Variants in MOGAT1 observed in about 807,000 individuals in gnomAD.
MOGAT1 encodes monoacylglycerol O-acyltransferase 1, also known as 2-acylglycerol O-acyltransferase 1.
In MOGAT1, 32 loss-of-function variants were observed where a neutral mutation model predicts 31.4. The ratio of observed to expected loss-of-function variants is 1.02; its 90% confidence interval spans 0.77 to 1.37. MOGAT1 has a LOEUF of 1.37. Among genes scored for constraint, MOGAT1 ranks in the 40% most tolerant of loss-of-function variants. The pLI is 0.00. For synonymous variants in MOGAT1, 145 were observed against 144.5 expected, an observed-to-expected ratio of 1.00 and a Z score of -0.03; for missense variants, 426 against 402.0, an observed-to-expected ratio of 1.06 and a Z score of -0.51.
At chr2:222,674,783 G>A (rs1280897745) in intron 1 of MOGAT1, among the ~76,000 whole-genome samples, 2 of 152,144 alleles carry the variant, frequency 1.3e-5, no homozygotes, top group South Asian at 2.1e-4. Flanking sequence ...TTAAAATCAT[G>A]TAAAACAAGT....
At chr2:222,701,287 A>AG (rs144596200) in intron 5 of MOGAT1, among the ~76,000 whole-genome samples, 2,420 of 134,542 alleles carry the variant, frequency 0.018, 90 homozygotes, top group African/African-American at 0.069. Flanking sequence ...AGAGAGAGAG[A>AG]GAGGAGGAGG....
chr2:222,694,329 G>A (rs183689515), intron 3 of MOGAT1, 33 bp from the exon 4 acceptor site: 1 of 1,538,768 alleles, frequency 6.5e-7, no homozygotes. Context: ...GTTAGAAAAG[G>A]ATAACTAGTT....
intron 5 of MOGAT1, among the ~76,000 whole-genome samples, chr2:222,707,343 GAA>G (rs1559235538): frequency 1.1e-3 from 90 of 81,774 alleles, no homozygotes; most frequent in Non-Finnish European, 1.8e-3. Flanking sequence ...GAAAAAGAAA[GAA>G]AGAAAAAGAA....
chr2:222,701,332 A>T (rs1295348983), intron 5 of MOGAT1, among the ~76,000 whole-genome samples: 6 of 130,810 alleles, frequency 4.6e-5, no homozygotes, highest in Non-Finnish European at 1.0e-4. Flanking sequence ...GAGAGAGATA[A>T]AAGGAATTAA....
chr2:222,708,358 A>ACTTTGGC (rs1316650658), intron 5 of MOGAT1, among the ~76,000 whole-genome samples: 2 of 152,182 alleles, frequency 1.3e-5, no homozygotes, highest in African/African-American at 4.8e-5. Flanking sequence ...TGTTGGGATT[A>ACTTTGGC]CAGGCGTGAG....
intron 5 of MOGAT1, among the ~76,000 whole-genome samples, chr2:222,706,945 C>A (rs905071591): frequency 2.0e-5 from 3 of 152,252 alleles, no homozygotes; most frequent in African/African-American, 7.2e-5. Context: ...CGACCTAGCA[C>A]TTTGAGAGGC....
Position 222,695,302 on chromosome 2 carries a change from A to G in MOGAT1, c.853+14A>G. ...TCCACACTGTTGGTATGTACATAAA[A>G]TAACTACAACTATTAGCTTACTTTA... On this transcript the variant is annotated intron_variant, in intron 5 of 5. Transcript: ENST00000446656. 1 of 1,553,018 alleles carries G rather than the reference A, an allele frequency of 6.4e-7. No individual in the cohort carries two copies. The highest frequency in any genetic ancestry group is 2.2e-5 in the East Asian group (1 of 44,446).
chr2:222,692,377 A>G (rs1196832445), intron 3 of MOGAT1, among the ~76,000 whole-genome samples: 1 of 152,240 alleles, frequency 6.6e-6, no homozygotes, highest in Admixed American at 6.5e-5. Flanking sequence ...GGCCAGTAGC[A>G]GGTGCTCAAT....
At chr2:222,690,835 T>C (rs925876682) in intron 3 of MOGAT1, among the ~76,000 whole-genome samples, 3 of 151,944 alleles carry the variant, frequency 2.0e-5, no homozygotes, top group Non-Finnish European at 2.9e-5. Context: ...GAAAGTGGGG[T>C]TGGGGGGGAA....
Position 222,674,364 on chromosome 2 carries a change from C to T in MOGAT1, c.94+2485C>T, listed in dbSNP as rs61166845. 6.2e-3 allele frequency among the ~76,000 whole-genome samples: 949 copies of T among 152,296 alleles called. 10 individuals carry two copies. The highest frequency in any genetic ancestry group is 0.021 in the African/African-American group (885 of 41,552). On this transcript the variant is annotated intron_variant, in intron 1 of 5. Coordinates refer to ENST00000446656, the MANE Select transcript of MOGAT1 (RefSeq NM_058165.3). ...AGAAGAGTATGAATTCCCATATACC[C>T]ATGACCTAGGTTTATAATTATTTAA... is the stretch of plus-strand genomic sequence containing the variant.
chr2:222,682,125 C>T (rs1559228793), intron 1 of MOGAT1, among the ~76,000 whole-genome samples: 1 of 152,156 alleles, frequency 6.6e-6, no homozygotes, highest in Non-Finnish European at 1.5e-5. Flanking sequence ...TCACCACACA[C>T]ACACACACAC....
At chr2:222,706,623 T>C (rs1324879410) in intron 5 of MOGAT1, among the ~76,000 whole-genome samples, 1 of 152,202 alleles carries the variant, frequency 6.6e-6, no homozygotes, top group Non-Finnish European at 1.5e-5. Flanking sequence ...TAATTCAGAA[T>C]GTACGAGTAC....
chr2:222,701,287 AGAG>A lies in MOGAT1; in HGVS notation c.853+6012_853+6014del, dbSNP rs1553562891. Among the ~76,000 whole-genome samples the A allele has an allele frequency of 1.5e-3, 202 of 134,490 alleles. 1 individual carries two copies. Among genetic ancestry groups the A allele is most frequent in the African/African-American group, 2.7e-3 (91 of 33,180 alleles). 88.2% of individuals were successfully genotyped at this position (134,490 alleles called of 152,430 possible). A position where few individuals can be genotyped will look rare whatever the true frequency, so the allele number is the denominator to read the frequency against. On this transcript the variant is annotated intron_variant, in intron 5 of 5. Transcript: ENST00000446656. The stretch of plus-strand genomic sequence containing the variant: ...GAAAGAGAGAAAAAGAGAGAGAGAG[AGAG>A]GAGGAGGAGGAGAGAGAGAGAGAGA...
At chr2:222,676,503 T>A (rs574416952) in intron 1 of MOGAT1, among the ~76,000 whole-genome samples, 4 of 152,358 alleles carry the variant, frequency 2.6e-5, no homozygotes, top group Admixed American at 2.6e-4. Flanking sequence ...AGCCATCTAT[T>A]GATGAATATT....
At chr2:222,705,655 T>G (rs1376588426) in intron 5 of MOGAT1, among the ~76,000 whole-genome samples, 1 of 152,234 alleles carries the variant, frequency 6.6e-6, no homozygotes, top group Non-Finnish European at 1.5e-5. Context: ...GCTGGCTAAT[T>G]AATTAGCCTT....
At chr2:222,697,616 C>CT (rs1692855558) in intron 5 of MOGAT1, among the ~76,000 whole-genome samples, 1 of 122,600 alleles carries the variant, frequency 8.2e-6, no homozygotes, top group African/African-American at 3.2e-5. Flanking sequence ...GAGTTGCACT[C>CT]TTGTCACCCA....
chr2:222,678,612 T>A (rs183563713), intron 1 of MOGAT1, among the ~76,000 whole-genome samples: 169 of 152,328 alleles, frequency 1.1e-3, no homozygotes, highest in Middle Eastern at 0.01. Context: ...TCCATTTTTT[T>A]AATAGATTGT....
intron 1 of MOGAT1, among the ~76,000 whole-genome samples, chr2:222,673,864 G>A (rs1331823644): frequency 1.3e-5 from 2 of 152,138 alleles, no homozygotes; most frequent in Non-Finnish European, 2.9e-5. Flanking sequence ...GTATATGTCT[G>A]GCCCATGGAA....
chr2:222,709,021 T>A (rs902188415), intron 5 of MOGAT1, among the ~76,000 whole-genome samples: 1 of 152,182 alleles, frequency 6.6e-6, no homozygotes, highest in South Asian at 2.1e-4. Flanking sequence ...AGATATGTAT[T>A]TTTTAATTGT....
Sources: allele counts gnomAD v4.1 joint callset (sites outside exome capture counted in the v4.1 genomes callset), GRCh38; gene constraint gnomAD v4.1.1; transcripts MANE v1.5; gene names NCBI Gene and HGNC (gene_info 2026-07-23, HGNC 2026-07-21).